Variants in ZFHX3 observed in about 807,000 individuals in gnomAD.
ZFHX3 encodes zinc finger homeobox protein 3.
Under a neutral mutation model 279.1 loss-of-function variants are expected in ZFHX3, and 42 were observed. That is an observed-to-expected ratio of 0.15 (90% CI 0.12 to 0.19). The LOEUF (loss-of-function observed/expected upper bound fraction) is 0.19, where lower values mean the gene tolerates loss of function less well. ZFHX3 is among the 10% of genes least tolerant of loss of function. The probability of loss-of-function intolerance (pLI) is 1.00; values close to 1 mark genes in which losing one functional copy is unlikely to be tolerated. For synonymous variants in ZFHX3, 2,293 were observed against 1,957.8 expected (o/e 1.17, Z -4.52); for missense variants, 4,981 against 4,754.0 (o/e 1.05, Z -1.40).
intron 1 of ZFHX3, among the ~76,000 whole-genome samples, chr16:73,682,918 G>GAA (rs1567550617): frequency 0.012 from 490 of 39,356 alleles, 52 homozygotes; most frequent in East Asian, 0.04. Context: ...GAAAGAAAGA[G>GAA]AGAAAGAGAA....
chr16:73,286,367 G>T (rs1006441991), intron 4 of ZFHX3, among the ~76,000 whole-genome samples: 5 of 152,216 alleles, frequency 3.3e-5, no homozygotes, highest in Non-Finnish European at 7.3e-5. Context: ...TAGATTGGGC[G>T]GCCCCAAATT....
intron 5 of ZFHX3, among the ~76,000 whole-genome samples, chr16:73,162,030 A>G (rs1967248880): frequency 6.6e-6 from 1 of 152,234 alleles, no homozygotes; most frequent in South Asian, 2.1e-4. Context: ...ACCAAATCTC[A>G]GTTGGTGTGA....
chr16:72,982,732 AG>A (rs1234663926), intron 1 of ZFHX3, among the ~76,000 whole-genome samples: 2 of 152,186 alleles, frequency 1.3e-5, no homozygotes, highest in Non-Finnish European at 2.9e-5. Flanking sequence ...TGCTGAAGCA[AG>A]GATCTTTGGC....
chr16:73,038,117 T>G (rs1479340338), intron 1 of ZFHX3, among the ~76,000 whole-genome samples: 2 of 152,198 alleles, frequency 1.3e-5, no homozygotes, highest in Non-Finnish European at 2.9e-5. Context: ...GTCACAGCTG[T>G]GGACTTTCAT....
intron 4 of ZFHX3, among the ~76,000 whole-genome samples, chr16:73,281,190 T>C (rs900628059): frequency 6.6e-6 from 1 of 152,200 alleles, no homozygotes; most frequent in Admixed American, 6.5e-5. Context: ...CTCATGTTCA[T>C]TGCAGCATTC....
intron 4 of ZFHX3, among the ~76,000 whole-genome samples, chr16:73,314,579 A>G (rs1381583714): frequency 1.3e-5 from 2 of 152,066 alleles, no homozygotes; most frequent in African/African-American, 4.8e-5. Context: ...CTTCCTCTCA[A>G]CTGCTGTGTG....
In ZFHX3 at chr16:73,036,038, C is replaced by T. The variant is rs534190856; in HGVS notation, c.-50+11714G>A. Among the ~76,000 whole-genome samples the T allele has an allele frequency of 6.6e-5, 10 of 152,352 alleles. No homozygotes were observed. In the South Asian group the frequency reaches 1.9e-3, roughly 28 times the overall value. On this transcript the variant is annotated intron_variant, in intron 1 of 9. Transcript: ENST00000268489. ...GAGAAGACTTCTCCCTTTTAACTGC[C>T]CTTCTGTAAAATATGCCCAGCAGGG...
In ZFHX3 at chr16:73,111,611, CAGAA is replaced by C. The variant is rs537227354; in HGVS notation, c.-896-18017_-896-18014del. On this transcript the variant is annotated intron_variant, in intron 7 of 17. Coordinates refer to the ZFHX3 transcript ENST00000641206. ...GAGGGAGGGAGGGAAGAAAGAAAGACAGAAAGAAAGAGAGAGAGAAAGAAGAGAG... is the reference window on the plus strand; with the variant it reads ...GAGGGAGGGAGGGAAGAAAGAAAGACAGAAAGAGAGAGAGAAAGAAGAGAG... Among the ~76,000 whole-genome samples, 55 of 135,320 alleles carry C rather than the reference CAGAA, an allele frequency of 4.1e-4. No individual in the cohort carries two copies. The East Asian group carries it at 0.011, about 27-fold the overall frequency. 88.8% of individuals were successfully genotyped at this position (135,320 alleles called of 152,430 possible).
At chr16:73,783,292 C>A (rs1290976794) in intron 1 of ZFHX3, among the ~76,000 whole-genome samples, 1 of 152,226 alleles carries the variant, frequency 6.6e-6, no homozygotes, top group East Asian at 1.9e-4. Context: ...CGTATGGGAT[C>A]TGCTGAGGCC....
intron 4 of ZFHX3, 59 bp from the exon 5 acceptor site, chr16:72,829,918 G>C: frequency 6.3e-7 from 1 of 1,590,636 alleles, no homozygotes; most frequent in Non-Finnish European, 8.6e-7. Flanking sequence ...AAGGACTTTT[G>C]GCCTCTGTTG....
intron 1 of ZFHX3, chr16:73,813,901 T>G (rs906080592): frequency 3.9e-5 from 6 of 152,236 alleles, no homozygotes; most frequent in African/African-American, 1.4e-4. Flanking sequence ...GGTTTTAATT[T>G]GTAATATTTG....
chr16:73,427,937 T>C (rs1002863490), intron 3 of ZFHX3, among the ~76,000 whole-genome samples: 2 of 152,004 alleles, frequency 1.3e-5, no homozygotes. Context: ...AGCGAGACTC[T>C]GTCTCAAAAA....
intron 2 of ZFHX3, among the ~76,000 whole-genome samples, chr16:73,525,223 C>T (rs992689846): frequency 2.6e-5 from 4 of 152,150 alleles, no homozygotes; most frequent in Non-Finnish European, 4.4e-5. Flanking sequence ...TTAGCACTTA[C>T]ATTTACTGAT....
intron 2 of ZFHX3, among the ~76,000 whole-genome samples, chr16:73,500,902 C>T (rs918077513): frequency 2.6e-5 from 4 of 152,282 alleles, no homozygotes; most frequent in East Asian, 1.9e-4. Context: ...ATAAATCTAA[C>T]GTAGCCTGAG....
At chr16:73,748,583 C>T (rs925332293) in intron 1 of ZFHX3, among the ~76,000 whole-genome samples, 6 of 152,154 alleles carry the variant, frequency 3.9e-5, no homozygotes, top group Admixed American at 3.3e-4. Flanking sequence ...GTATATTCTT[C>T]CCAACGTCTC....
chr16:73,613,335 C>T (rs764433911), intron 2 of ZFHX3, among the ~76,000 whole-genome samples: 1 of 151,746 alleles, frequency 6.6e-6, no homozygotes, highest in African/African-American at 2.4e-5. Flanking sequence ...CCTTAATGTT[C>T]GTAAAAGAAA....
At chr16:73,121,791 A>G (rs534197062) in intron 7 of ZFHX3, among the ~76,000 whole-genome samples, 6 of 151,528 alleles carry the variant, frequency 4.0e-5, no homozygotes, top group Admixed American at 6.6e-5. Flanking sequence ...AATTTTTTGT[A>G]TTTTTAGTAG....
intron 5 of ZFHX3, among the ~76,000 whole-genome samples, chr16:73,250,992 T>C (rs935968363): frequency 6.6e-6 from 1 of 152,222 alleles, no homozygotes; most frequent in South Asian, 2.1e-4. Flanking sequence ...ATCTGAGTCA[T>C]GTGTACCATT....
chr16:73,155,759 G>A (rs540284331), intron 5 of ZFHX3, among the ~76,000 whole-genome samples: 36 of 151,906 alleles, frequency 2.4e-4, no homozygotes, highest in Admixed American at 5.2e-4. Flanking sequence ...GGAGGCGGAG[G>A]TCACAGTGAG....
Sources: allele counts gnomAD v4.1 joint callset (sites outside exome capture counted in the v4.1 genomes callset), GRCh38; gene constraint gnomAD v4.1.1; transcripts MANE v1.5; gene names NCBI Gene and HGNC (gene_info 2026-07-23, HGNC 2026-07-21).